Variants in GBF1 observed in about 807,000 individuals in gnomAD.
The protein encoded by GBF1 is golgi brefeldin A resistant guanine nucleotide exchange factor 1, also known as Golgi-specific brefeldin A-resistance guanine nucleotide exchange factor 1.
In GBF1, 114 loss-of-function variants were observed where a neutral mutation model predicts 210.5. The ratio of observed to expected loss-of-function variants is 0.54; its 90% CI spans 0.47 to 0.63. The LOEUF is 0.63. GBF1 is among the 30% of genes least tolerant of loss of function. The pLI is 0.00. For missense variants in GBF1, 1,851 were observed against 2,357.7 expected, an observed-to-expected ratio of 0.79 and a Z score of 4.45; for synonymous variants, 850 against 889.2, an observed-to-expected ratio of 0.96 and a Z score of 0.78.
intron 3 of GBF1, among the ~76,000 whole-genome samples, chr10:102,280,329 G>A (rs987354823): frequency 6.6e-6 from 1 of 152,100 alleles, no homozygotes; most frequent in African/African-American, 2.4e-5. Context: ...CAGTGTGTGG[G>A]TTTTCCCCTT....
At chr10:102,334,230 C>T (rs1565122491) in intron 3 of GBF1, among the ~76,000 whole-genome samples, 1 of 152,212 alleles carries the variant, frequency 6.6e-6, no homozygotes, top group Non-Finnish European at 1.5e-5. Flanking sequence ...TAACATACCG[C>T]AGGCCTTTTT....
chr10:102,268,530 G>A (rs2074093602), intron 3 of GBF1, among the ~76,000 whole-genome samples: 4 of 152,034 alleles, frequency 2.6e-5, no homozygotes, highest in Admixed American at 2.6e-4. Flanking sequence ...AAACTTCTGA[G>A]TATATGCCCA....
intron 3 of GBF1, among the ~76,000 whole-genome samples, chr10:102,288,246 A>G (rs2076121700): frequency 6.6e-6 from 1 of 152,114 alleles, no homozygotes; most frequent in Non-Finnish European, 1.5e-5. Flanking sequence ...CCACCTATTT[A>G]CTACTGATCC....
At chr10:102,274,253 A>G (rs750989141) in intron 3 of GBF1, among the ~76,000 whole-genome samples, 37 of 152,138 alleles carry the variant, frequency 2.4e-4, no homozygotes, top group Non-Finnish European at 4.7e-4. Flanking sequence ...AAATTGTTGT[A>G]TGCTTTGGTT....
upstream of GBF1, among the ~76,000 whole-genome samples, chr10:102,244,088 G>C (rs1315306348): frequency 6.6e-6 from 1 of 152,106 alleles, no homozygotes; most frequent in African/African-American, 2.4e-5. Flanking sequence ...CAAGATCACA[G>C]CACTGCACTC....
intron 3 of GBF1, among the ~76,000 whole-genome samples, chr10:102,270,399 C>T (rs1195373718): frequency 3.3e-5 from 5 of 150,792 alleles, no homozygotes; most frequent in Admixed American, 6.6e-5. Context: ...CGAACTCCCT[C>T]GGCCTCCCAA....
chr10:102,275,010 A>T (rs1290243077), intron 3 of GBF1, among the ~76,000 whole-genome samples: 29 of 121,326 alleles, frequency 2.4e-4, no homozygotes, highest in Non-Finnish European at 2.4e-4. Flanking sequence ...CCGCGCCAGG[A>T]CTTTTTTTTT....
In GBF1 at chr10:102,358,706, G is replaced by A. The variant is rs2059427979; in HGVS notation, c.988G>A (p.Val330Ile). ...AGAGCCTGGAAGCAGTGAGCTAGGT[G>A]TTCCCGAGCAGCCTGACCTCCAGGT... is the stretch of plus-strand genomic sequence containing the variant. ...ATEPGSSELGVPEQPDLQQEG... is the reference protein window; with the variant it reads ...ATEPGSSELGIPEQPDLQQEG... Residue 330 changes from valine to isoleucine, a missense_variant, in exon 10 of 40, where the codon GTT (valine) becomes ATT (isoleucine). Val to Ile is a conservative substitution (Grantham distance 29). This residue lies in a region of GBF1 where 804 missense variants were observed against 958.6 expected (regional missense o/e 0.84). Coordinates refer to ENST00000369983, the MANE Select transcript of GBF1 (RefSeq NM_001377137.1). 6.2e-7 allele frequency: 1 copy of A among 1,613,316 alleles called. No homozygotes were observed. The highest frequency in any genetic ancestry group is 8.5e-7 in the Non-Finnish European group (1 of 1,179,360).
chr10:102,269,550 A>C (rs1628530), intron 3 of GBF1, among the ~76,000 whole-genome samples: 13,491 of 152,240 alleles, frequency 0.089, 749 homozygotes, highest in Non-Finnish European at 0.12. Flanking sequence ...GAATTGAAAA[A>C]AAATCCTCTA....
At chr10:102,307,443 CAAAAA>C (rs1214986314) in intron 3 of GBF1, among the ~76,000 whole-genome samples, 1 of 51,822 alleles carries the variant, frequency 1.9e-5, no homozygotes, top group Non-Finnish European at 4.1e-5. Flanking sequence ...CCAACCTTGG[CAAAAA>C]AAAAAAAAAA....
chr10:102,281,756 T>G (rs536562928), intron 3 of GBF1, among the ~76,000 whole-genome samples: 1 of 151,892 alleles, frequency 6.6e-6, no homozygotes, highest in African/African-American at 2.4e-5. Flanking sequence ...TGATTCATCA[T>G]TAATTAAAGT....
At chr10:102,369,506 C>T (rs1332471424) in intron 24 of GBF1, 119 bp downstream of exon 24, 198 of 895,072 alleles carry the variant, frequency 2.2e-4, no homozygotes, top group East Asian at 2.6e-5. Context: ...TGCCACAGCT[C>T]ACCAGGAATG....
At position 102,363,271 on chromosome 10, in the gene GBF1, G is replaced by A. The variant is rs2059714126; in HGVS notation, c.1892G>A (p.Ser631Asn). The change falls in exon 16 of 40, where the codon AGC becomes AAC. Residue 631 changes from serine (S) to asparagine (N), a missense_variant. Ser to Asn is a conservative substitution (Grantham distance 46). Around this residue, in one of 3 missense-constraint regions of GBF1, gnomAD observed 804 missense variants for 958.6 expected, o/e 0.84. Transcript: ENST00000369983. This position sits in a 1 kb window ranked among gnomAD's most constrained non-coding sequence, Gnocchi z 4.2. ...REASNTERTA[S>N]DGKAVGMASD... ...CTCTTACCAGCTGAGAGAACTGCCA[G>A]CGATGGGAAAGCTGTAGGCATGGCC... 1.9e-6 allele frequency: 3 copies of A among 1,612,882 alleles called. No homozygotes were observed. The highest frequency in any genetic ancestry group is 2.5e-6 in the Non-Finnish European group (3 of 1,179,558).
intron 33 of GBF1, 78 bp downstream of exon 33, chr10:102,377,218 G>A: frequency 8.3e-7 from 1 of 1,205,532 alleles, no homozygotes; most frequent in Non-Finnish European, 1.2e-6. Context: ...GAAAGCCAGG[G>A]CTGAGGGGAA....
At chr10:102,270,923 C>T (rs1049670014) in intron 3 of GBF1, among the ~76,000 whole-genome samples, 5 of 152,062 alleles carry the variant, frequency 3.3e-5, no homozygotes, top group African/African-American at 4.8e-5. Flanking sequence ...TGCAGTGGTA[C>T]GATCATAGCT....
At chr10:102,253,195 G>A (rs1178763677) in intron 1 of GBF1, among the ~76,000 whole-genome samples, 3 of 152,074 alleles carry the variant, frequency 2.0e-5, no homozygotes, top group Admixed American at 1.3e-4. Flanking sequence ...GCCCCCAGCC[G>A]AGGGGCTATT....
Position 102,361,103 on chromosome 10 carries a change from C to G in GBF1, c.1474C>G (p.Leu492Val). 1 of 1,587,142 alleles carries G rather than the reference C, an allele frequency of 6.3e-7. No individual in the cohort carries two copies. Among genetic ancestry groups the G allele is most frequent in the Non-Finnish European group, 8.7e-7 (1 of 1,155,350 alleles). Reference protein sequence around the residue: ...FLLFESMREHLKFQMEMYIKK... With the variant: ...FLLFESMREHVKFQMEMYIKK... ...ACTGTTTGAGAGCATGCGAGAGCAC[C>G]TCAAGTTCCAAATGGAGGTGAGTTT... Residue 492 changes from leucine to valine, a missense_variant, in exon 13 of 40, where the codon CTC becomes GTC. Leu to Val is a conservative substitution (Grantham distance 32). Transcript: ENST00000369983.
At chr10:102,374,557 C>T (rs2060389944) in intron 29 of GBF1, among the ~76,000 whole-genome samples, 1 of 151,854 alleles carries the variant, frequency 6.6e-6, no homozygotes, top group Admixed American at 6.6e-5. Context: ...TGCACTCCAG[C>T]CTGGGTGACA....
chr10:102,379,854 T>C lies in GBF1; in HGVS notation c.4778T>C (p.Val1593Ala). 6.2e-7 allele frequency: 1 copy of C among 1,609,838 alleles called. No individual in the cohort carries two copies. Among genetic ancestry groups the C allele is most frequent in the Non-Finnish European group, 8.5e-7 (1 of 1,176,304 alleles). The change falls in exon 36 of 40, where the codon GTG becomes GCG. Residue 1593 changes from valine (V) to alanine (A), a missense_variant and splice_region_variant. By Grantham distance (64) the Val-to-Ala change is moderately conservative. This residue lies in a region of GBF1 where 967 missense variants were observed against 1,247.7 expected (regional missense o/e 0.78). Coordinates refer to ENST00000369983, the MANE Select transcript of GBF1 (RefSeq NM_001377137.1). ...ALEWESCFNK[V>A]LFPLLTKLLE... is the part of the protein sequence containing the mutation. ...ACATTGCACATTTACCCCCACCAGG[T>C]GCTGTTTCCTCTACTTACCAAGCTC...
Sources: allele counts gnomAD v4.1 joint callset (sites outside exome capture counted in the v4.1 genomes callset), GRCh38; gene constraint gnomAD v4.1.1; regional missense constraint gnomAD v4.1.1; non-coding constraint Gnocchi (gnomAD v3.1); transcripts MANE v1.5; gene names NCBI Gene and HGNC (gene_info 2026-07-23, HGNC 2026-07-21).